The following CHODL variants were observed in gnomAD, a reference collection of about 807,000 sequenced individuals.
CHODL encodes the protein chondrolectin, also known as transmembrane protein MT75.
In CHODL, 29 loss-of-function variants were observed where a neutral mutation model predicts 34.5. The observed-to-expected ratio is 0.84, with a 90% confidence interval of 0.63 to 1.15. The LOEUF is 1.15. Among genes scored for constraint, CHODL ranks in the 50% most tolerant of loss-of-function variants. The pLI, the probability that CHODL is intolerant of heterozygous loss-of-function variation, is 0.00. For synonymous variants in CHODL, 125 were observed against 116.1 expected, an observed-to-expected ratio of 1.08 and a Z score of -0.49; for missense variants, 332 against 332.5, an observed-to-expected ratio of 1.00 and a Z score of 0.01.
chr21:18,129,892 CTG>C (rs150557806), intron 2 of CHODL, among the ~76,000 whole-genome samples: 2,490 of 140,538 alleles, frequency 0.018, 21 homozygotes, highest in Non-Finnish European at 0.023. Flanking sequence ...CTGTCTTTCT[CTG>C]TGTGTGTGTG....
chr21:18,206,776 A>T (rs1175968271), intron 2 of CHODL, among the ~76,000 whole-genome samples: 1 of 143,690 alleles, frequency 7.0e-6, no homozygotes, highest in African/African-American at 2.6e-5. Flanking sequence ...GTGGTGTTCT[A>T]CTTTCTTACT....
At chr21:18,139,273 A>G (rs1203591006) in intron 2 of CHODL, among the ~76,000 whole-genome samples, 1 of 152,000 alleles carries the variant, frequency 6.6e-6, no homozygotes, top group Non-Finnish European at 1.5e-5. Context: ...TGGGATATAA[A>G]GAGGTTCAGC....
chr21:18,080,639 G>A (rs2064930979), intron 2 of CHODL, among the ~76,000 whole-genome samples: 1 of 152,140 alleles, frequency 6.6e-6, no homozygotes, highest in South Asian at 2.1e-4. Flanking sequence ...TCAGTTGGTT[G>A]TAGGTATGTG....
chr21:18,257,841 G>A (rs73318246), intron 3 of CHODL, among the ~76,000 whole-genome samples: 3,362 of 152,178 alleles, frequency 0.022, 128 homozygotes, highest in African/African-American at 0.076. Flanking sequence ...AGGACGGATC[G>A]TCTGAATTCA....
intron 2 of CHODL, among the ~76,000 whole-genome samples, chr21:18,172,422 A>G (rs2142256): frequency 0.6 from 90,772 of 152,032 alleles, 30,204 homozygotes; most frequent in Middle Eastern, 0.78. Flanking sequence ...TTTTGCCCCA[A>G]TCAGTGGCTG....
At chr21:17,961,360 TTGAAAGGTTC>T (rs1194650399) in intron 1 of CHODL, among the ~76,000 whole-genome samples, 1 of 152,212 alleles carries the variant, frequency 6.6e-6, no homozygotes, top group African/African-American at 2.4e-5. Context: ...ATGATCAGTT[TTGAAAGGTTC>T]CTCTGGGAAT....
intron 2 of CHODL, among the ~76,000 whole-genome samples, chr21:18,198,766 A>C (rs1238209682): frequency 6.6e-6 from 1 of 152,164 alleles, no homozygotes; most frequent in East Asian, 1.9e-4. Flanking sequence ...GAATAAAGGA[A>C]GTAATTACAT....
At chr21:17,988,183 G>A (rs2063768380) in intron 1 of CHODL, among the ~76,000 whole-genome samples, 1 of 152,128 alleles carries the variant, frequency 6.6e-6, no homozygotes, top group South Asian at 2.1e-4. Flanking sequence ...GTGAAGCCAT[G>A]AGAAAAATGA....
At chr21:18,175,568 G>A (rs1243453290) in intron 2 of CHODL, among the ~76,000 whole-genome samples, 1 of 151,754 alleles carries the variant, frequency 6.6e-6, no homozygotes, top group Non-Finnish European at 1.5e-5. Flanking sequence ...ACTCCAGCCC[G>A]GGCGACAGTG....
rs1270329861 is a variant in CHODL, at chr21:17,927,130, A to G, written c.-145+9730A>G. Among the ~76,000 whole-genome samples the G allele has an allele frequency of 5.4e-4, 62 of 115,434 alleles. 1 individual carries two copies. The highest frequency in any genetic ancestry group is 2.0e-3 in the African/African-American group (59 of 29,508). 75.7% of individuals were successfully genotyped at this position (115,434 alleles called of 152,430 possible). The stretch of plus-strand genomic sequence containing the variant: ...TATGTATATATGTATATATGTATAT[A>G]TATGTATATATGTATATATGTATAT... On this transcript the variant is annotated intron_variant, in intron 1 of 6. Transcript: ENST00000400127.
At chr21:18,190,411 G>A (rs562944717) in intron 2 of CHODL, among the ~76,000 whole-genome samples, 6 of 152,190 alleles carry the variant, frequency 3.9e-5, no homozygotes, top group Non-Finnish European at 7.4e-5. Context: ...ATTGATGAAC[G>A]TAGCAATGGC....
intron 2 of CHODL, among the ~76,000 whole-genome samples, chr21:18,091,439 C>T (rs1048032866): frequency 4.6e-5 from 7 of 152,150 alleles, no homozygotes; most frequent in Non-Finnish European, 8.8e-5. Context: ...CAGCTTATAG[C>T]AATGAAAGTG....
At chr21:17,927,148 A>G (rs2063233974) in intron 1 of CHODL, among the ~76,000 whole-genome samples, 2 of 62,328 alleles carry the variant, frequency 3.2e-5, no homozygotes, top group East Asian at 6.0e-4. Flanking sequence ...ATATGTATAT[A>G]TGTATATATA....
intron 1 of CHODL, among the ~76,000 whole-genome samples, chr21:18,021,224 G>A (rs906483439): frequency 6.6e-6 from 1 of 152,180 alleles, no homozygotes; most frequent in African/African-American, 2.4e-5. Context: ...GTCAGCCACA[G>A]GAGGAAGTTC....
chr21:17,994,746 C>T (rs531139162), intron 1 of CHODL, among the ~76,000 whole-genome samples: 10 of 152,164 alleles, frequency 6.6e-5, no homozygotes, highest in African/African-American at 2.2e-4. Flanking sequence ...GTGTGGGTGC[C>T]GATGGCAGAA....
intron 1 of CHODL, among the ~76,000 whole-genome samples, chr21:17,930,901 G>A (rs1001596881): frequency 2.0e-5 from 3 of 152,208 alleles, no homozygotes; most frequent in African/African-American, 7.2e-5. Flanking sequence ...GAGATTCCAT[G>A]CTGAAGCCAT....
At chr21:18,108,647 A>G (rs1187370022) in intron 2 of CHODL, among the ~76,000 whole-genome samples, 2 of 152,184 alleles carry the variant, frequency 1.3e-5, no homozygotes, top group Non-Finnish European at 1.5e-5. Context: ...AGTGGTATAC[A>G]TAAATCCTAT....
intron 2 of CHODL, among the ~76,000 whole-genome samples, chr21:18,087,162 G>A (rs949654741): frequency 6.6e-6 from 1 of 152,122 alleles, no homozygotes; most frequent in Non-Finnish European, 1.5e-5. Flanking sequence ...AATGGTGCCA[G>A]TCATGGACTT....
chr21:18,185,154 C>T (rs1044902554), intron 2 of CHODL, among the ~76,000 whole-genome samples: 3 of 152,122 alleles, frequency 2.0e-5, no homozygotes, highest in Non-Finnish European at 2.9e-5. Flanking sequence ...GGTATTTCTC[C>T]TAATGCTATC....
Sources: allele counts gnomAD v4.1 joint callset (sites outside exome capture counted in the v4.1 genomes callset), GRCh38; gene constraint gnomAD v4.1.1; transcripts MANE v1.5; gene names NCBI Gene and HGNC (gene_info 2026-07-23, HGNC 2026-07-21).